The following NETO1 variants were observed in gnomAD, a reference collection of about 807,000 sequenced individuals.
NETO1 encodes the protein neuropilin and tolloid-like protein 1.
Under a neutral mutation model 61.3 loss-of-function variants are expected in NETO1, and 26 were observed. The observed-to-expected ratio is 0.42, with a 90% CI of 0.31 to 0.59. The LOEUF is 0.59. Ranked by LOEUF, NETO1 falls within the 20% of genes least tolerant of loss-of-function variation. The probability of loss-of-function intolerance (pLI) is 0.12; values close to 1 mark genes in which losing one functional copy is unlikely to be tolerated. For synonymous variants in NETO1, 225 were observed against 225.8 expected, an observed-to-expected ratio of 1.00 and a Z score of 0.03; for missense variants, 531 against 662.8, an observed-to-expected ratio of 0.80 and a Z score of 2.18.
intron 4 of NETO1, among the ~76,000 whole-genome samples, chr18:72,846,946 G>A (rs371105589): frequency 1.3e-5 from 2 of 152,236 alleles, no homozygotes; most frequent in South Asian, 2.1e-4. Context: ...GCCAAAGGAA[G>A]TACGCATTCC....
intron 4 of NETO1, among the ~76,000 whole-genome samples, chr18:72,797,906 A>G (rs758162378): frequency 6.6e-6 from 1 of 152,070 alleles, no homozygotes; most frequent in Non-Finnish European, 1.5e-5. Context: ...GATCTTTCTC[A>G]TTCTTTGGTT....
At chr18:72,743,441 T>C (rs1053542280), downstream of NETO1, among the ~76,000 whole-genome samples, 1 of 152,204 alleles carries the variant, frequency 6.6e-6, no homozygotes, top group Non-Finnish European at 1.5e-5. Flanking sequence ...AAGCATCATG[T>C]CTATTGAATT....
chr18:72,802,242 T>C (rs1231943828), intron 4 of NETO1, among the ~76,000 whole-genome samples: 1 of 151,900 alleles, frequency 6.6e-6, no homozygotes, highest in Non-Finnish European at 1.5e-5. Context: ...CTCAAAATAG[T>C]GAACTCATTG....
At chr18:72,752,395 G>A (rs1336078247) in intron 8 of NETO1, among the ~76,000 whole-genome samples, 2 of 152,190 alleles carry the variant, frequency 1.3e-5, no homozygotes, top group Non-Finnish European at 2.9e-5. Context: ...GAGGCACAGA[G>A]AGCCCTGTTA....
At chr18:72,788,808 A>G (rs2072011238) in intron 6 of NETO1, among the ~76,000 whole-genome samples, 1 of 152,158 alleles carries the variant, frequency 6.6e-6, no homozygotes, top group African/African-American at 2.4e-5. Flanking sequence ...AATCTAGCTA[A>G]CAATTTACTA....
chr18:72,770,874 C>A (rs2071331288), intron 7 of NETO1, among the ~76,000 whole-genome samples: 1 of 152,060 alleles, frequency 6.6e-6, no homozygotes, highest in South Asian at 2.1e-4. Context: ...ATTTTTAACT[C>A]CCTCTTCTCT....
chr18:72,749,512 T>G (rs1045058513), intron 9 of NETO1, among the ~76,000 whole-genome samples: 3 of 152,298 alleles, frequency 2.0e-5, no homozygotes, highest in Non-Finnish European at 4.4e-5. Flanking sequence ...GAATATACTA[T>G]ACTATCCTAT....
chr18:72,838,070 C>G (rs2073811949), intron 4 of NETO1, among the ~76,000 whole-genome samples: 1 of 152,168 alleles, frequency 6.6e-6, no homozygotes, highest in Admixed American at 6.5e-5. Context: ...GTCCCCATCA[C>G]CATCCCCTAT....
chr18:72,805,933 T>G lies in NETO1; in HGVS notation c.470-11529A>C, dbSNP rs149610421. ...TGTTCAAAATGTTTCAAAAATGAAT[T>G]TCAGAGATCAAGATCCACGTAAGTA... On this transcript the variant is annotated intron_variant, in intron 4 of 10. Transcript: ENST00000327305. Among the ~76,000 whole-genome samples the G allele has an allele frequency of 4.1e-3, 621 of 152,302 alleles. 7 individuals carry two copies. The highest frequency in any genetic ancestry group is 0.014 in the African/African-American group (571 of 41,564).
chr18:72,834,140 G>T, intron 4 of NETO1: 1 of 833,316 alleles, frequency 1.2e-6, no homozygotes, highest in Non-Finnish European at 1.4e-6. Flanking sequence ...TAGAGCTTCG[G>T]ACAATATTTT....
Position 72,763,015 on chromosome 18 carries a change from C to T in NETO1, c.869-6868G>A, listed in dbSNP as rs137860899. ...AAAGGTCTAGTTATAGATGTACCTC[C>T]GATTTTAGTGTTTATCTCATGTGGA... On this transcript the variant is annotated intron_variant, in intron 7 of 10. Coordinates refer to ENST00000327305, the MANE Select transcript of NETO1 (RefSeq NM_138966.5). 1.1e-3 allele frequency among the ~76,000 whole-genome samples: 173 copies of T among 152,116 alleles called. 2 individuals carry two copies. The highest frequency in any genetic ancestry group is 1.3e-3 in the Non-Finnish European group (89 of 67,986).
intron 6 of NETO1, among the ~76,000 whole-genome samples, chr18:72,788,752 C>G (rs2072008781): frequency 6.6e-6 from 1 of 151,942 alleles, no homozygotes; most frequent in Admixed American, 6.6e-5. Flanking sequence ...ATCTATTTTT[C>G]AAATCACATG....
chr18:72,746,949 G>A lies in NETO1; in HGVS notation c.*1230C>T, dbSNP rs768905685. On this transcript the variant is annotated 3_prime_UTR_variant, in exon 11 of 11. Coordinates refer to ENST00000327305, the MANE Select transcript of NETO1 (RefSeq NM_138966.5). Reference sequence around the variant, plus strand: ...CATCATAATCACTAAGCTTTCAGGTGTATTATGTGTACCTGAGAATAAGAA... The same window carrying A: ...CATCATAATCACTAAGCTTTCAGGTATATTATGTGTACCTGAGAATAAGAA... Among the ~76,000 whole-genome samples the A allele has an allele frequency of 6.6e-6, 1 of 151,912 alleles. No individual in the cohort carries two copies. The highest frequency in any genetic ancestry group is 6.6e-5 in the Admixed American group (1 of 15,238).
At chr18:72,823,662 C>G (rs961087107) in intron 4 of NETO1, among the ~76,000 whole-genome samples, 3 of 152,048 alleles carry the variant, frequency 2.0e-5, no homozygotes, top group African/African-American at 7.2e-5. Flanking sequence ...TTCTCCATCA[C>G]CTAATGAGCT....
chr18:72,790,368 A>G (rs1054676818), intron 6 of NETO1, among the ~76,000 whole-genome samples: 1 of 152,182 alleles, frequency 6.6e-6, no homozygotes, highest in Non-Finnish European at 1.5e-5. Flanking sequence ...ATTAATTTTT[A>G]AAAACCTTGA....
At chr18:72,766,640 T>C (rs1332530638) in intron 7 of NETO1, among the ~76,000 whole-genome samples, 1 of 152,186 alleles carries the variant, frequency 6.6e-6, no homozygotes, top group Non-Finnish European at 1.5e-5. Flanking sequence ...ATACAAGAAA[T>C]TCTGTTCACA....
At chr18:72,865,116 A>G in intron 2 of NETO1, 72 bp downstream of exon 2, 1 of 1,479,816 alleles carries the variant, frequency 6.8e-7, no homozygotes, top group Non-Finnish European at 9.4e-7. Context: ...TGGAATATTA[A>G]CAGTAGGAGG....
At chr18:72,866,181 G>T (rs889018312) in intron 1 of NETO1, among the ~76,000 whole-genome samples, 4 of 152,028 alleles carry the variant, frequency 2.6e-5, no homozygotes, top group African/African-American at 9.7e-5. Context: ...CGACATAAAA[G>T]GTCTATGTTT....
chr18:72,865,404 A>G (rs1677014980), intron 1 of NETO1, among the ~76,000 whole-genome samples, 163 bp from the exon 2 acceptor site: 1 of 152,260 alleles, frequency 6.6e-6, no homozygotes, highest in South Asian at 2.1e-4. Flanking sequence ...TTTGAAATGT[A>G]CAAATCAGGA....
Sources: allele counts gnomAD v4.1 joint callset (sites outside exome capture counted in the v4.1 genomes callset), GRCh38; gene constraint gnomAD v4.1.1; transcripts MANE v1.5; gene names NCBI Gene and HGNC (gene_info 2026-07-23, HGNC 2026-07-21).